The following RP1 variants were observed in gnomAD, a reference collection of about 807,000 sequenced individuals.
RP1 encodes oxygen-regulated protein 1.
In RP1, 16 loss-of-function variants were observed where a neutral mutation model predicts 14.8. That is an observed-to-expected ratio of 1.08 (90% CI 0.73 to 1.65). The LOEUF is 1.65. Among genes scored for constraint, RP1 ranks in the 40% most tolerant of loss-of-function variants. The probability of loss-of-function intolerance (pLI) is 0.00; values close to 1 mark genes in which losing one functional copy is unlikely to be tolerated. For synonymous variants in RP1, 876 were observed against 883.6 expected, an observed-to-expected ratio of 0.99 and a Z score of 0.15; for missense variants, 2,631 against 2,535.0, an observed-to-expected ratio of 1.04 and a Z score of -0.81.
chr8:54,830,277 T>C (rs1042381060), intron 24 of RP1, among the ~76,000 whole-genome samples: 3 of 151,774 alleles, frequency 2.0e-5, no homozygotes, highest in Admixed American at 2.0e-4. Context: ...AAAATGACCT[T>C]CTGTATTTCT....
chr8:54,564,496 C>T lies in RP1; in HGVS notation c.-13+5176C>T, dbSNP rs530709396. Among the ~76,000 whole-genome samples, 5 of 152,214 alleles carry T rather than the reference C, an allele frequency of 3.3e-5. No individual in the cohort carries two copies. The South Asian group carries it at 6.2e-4, about 19-fold the overall frequency. On this transcript the variant is annotated intron_variant, in intron 1 of 22. Coordinates refer to the RP1 transcript ENST00000636932. ...CAATAAAAGGTGTTCAGTAAGTGTTCGCTGTTGACACTGTCTCATGGCACC... is the reference window on the plus strand; with the variant it reads ...CAATAAAAGGTGTTCAGTAAGTGTTTGCTGTTGACACTGTCTCATGGCACC...
intron 24 of RP1, among the ~76,000 whole-genome samples, chr8:54,836,187 C>A (rs1437512673): frequency 6.6e-6 from 1 of 152,048 alleles, no homozygotes; most frequent in Non-Finnish European, 1.5e-5. Flanking sequence ...GATGATGAGA[C>A]CATTTATGGT....
At chr8:54,828,400 C>T (rs1229817345) in intron 24 of RP1, among the ~76,000 whole-genome samples, 2 of 152,138 alleles carry the variant, frequency 1.3e-5, no homozygotes, top group South Asian at 4.1e-4. Context: ...TGAGTTCCTG[C>T]TCTTAATTCT....
chr8:54,804,342 A>G (rs1294130174), intron 24 of RP1, among the ~76,000 whole-genome samples: 2 of 152,190 alleles, frequency 1.3e-5, no homozygotes, highest in Non-Finnish European at 2.9e-5. Context: ...ACACAGCCAG[A>G]CACTATTCCA....
At chr8:54,760,267 T>C (rs547018592) in intron 22 of RP1, among the ~76,000 whole-genome samples, 18 of 152,312 alleles carry the variant, frequency 1.2e-4, no homozygotes, top group Admixed American at 5.9e-4. Context: ...TCTGCCCTGA[T>C]TGATGCCCTT....
chr8:54,588,590 G>T (rs951640280), intron 1 of RP1, among the ~76,000 whole-genome samples: 3 of 152,202 alleles, frequency 2.0e-5, no homozygotes, highest in Admixed American at 6.5e-5. Context: ...GAGCTCTGAA[G>T]TTCTATAATC....
intron 23 of RP1, among the ~76,000 whole-genome samples, chr8:54,775,647 C>G (rs965004424): frequency 2.6e-4 from 40 of 152,260 alleles, no homozygotes; most frequent in African/African-American, 9.4e-4. Flanking sequence ...TAATCCTTCC[C>G]TGCTAAGCCT....
chr8:54,812,741 T>C (rs1811031944), intron 24 of RP1, among the ~76,000 whole-genome samples: 1 of 151,422 alleles, frequency 6.6e-6, no homozygotes, highest in Non-Finnish European at 1.5e-5. Flanking sequence ...TATGTATCTA[T>C]GTATCCATGT....
At chr8:54,864,348 C>T (rs1029882374) in intron 27 of RP1, among the ~76,000 whole-genome samples, 3 of 152,244 alleles carry the variant, frequency 2.0e-5, no homozygotes, top group African/African-American at 7.2e-5. Flanking sequence ...GCAAAAGATG[C>T]TTCCTCTGTA....
At position 54,624,939 on chromosome 8, in the gene RP1, G is replaced by T; in HGVS notation, c.1057G>T (p.Val353Phe). 1 of 1,614,130 alleles carries T rather than the reference G, an allele frequency of 6.2e-7. No homozygotes were observed. The highest frequency in any genetic ancestry group is 8.5e-7 in the Non-Finnish European group (1 of 1,180,016). The part of the protein sequence containing the change: ...EEETIKWTTT[V>F]SKTGPSNNDE... ...AGAAACCATAAAATGGACAACTACT[G>T]TCAGTAAAACTGGTCCTTCTAATAA... Residue 353 changes from valine to phenylalanine, a missense_variant, in exon 4 of 4, where the codon GTC (valine) becomes TTC (phenylalanine). Transcript: ENST00000220676.
intron 1 of RP1, among the ~76,000 whole-genome samples, chr8:54,572,835 T>G (rs1406041389): frequency 3.3e-5 from 5 of 152,120 alleles, no homozygotes; most frequent in Admixed American, 6.5e-5. Context: ...GCTGGTGGTG[T>G]TAGAATTTGC....
At chr8:54,759,134 G>A (rs1043144485) in intron 22 of RP1, 2 of 420,994 alleles carry the variant, frequency 4.8e-6, no homozygotes, top group Non-Finnish European at 6.1e-6. Context: ...ATGATGCTGT[G>A]TGTGTGTGTG....
At chr8:54,830,698 A>G (rs1037871998) in intron 24 of RP1, among the ~76,000 whole-genome samples, 1 of 152,170 alleles carries the variant, frequency 6.6e-6, no homozygotes, top group Non-Finnish European at 1.5e-5. Context: ...TAAAAAATTG[A>G]GTTGAAATTC....
Position 54,667,087 on chromosome 8 carries a change from G to C in RP1, c.1323+3237G>C, listed in dbSNP as rs577728999. ...CAGGAACGGGAACTCCTTACATATA[G>C]AGAAGGTGCAGACATGCCACCTTTT... On this transcript the variant is annotated intron_variant, in intron 7 of 22. Transcript: ENST00000636932. Among the ~76,000 whole-genome samples, 4 of 152,152 alleles carry C rather than the reference G, an allele frequency of 2.6e-5. No homozygotes were observed. In the East Asian group the frequency reaches 7.8e-4, roughly 29 times the overall value.
intron 1 of RP1, among the ~76,000 whole-genome samples, chr8:54,562,440 C>A (rs1212130974): frequency 6.6e-6 from 1 of 152,124 alleles, no homozygotes; most frequent in Non-Finnish European, 1.5e-5. Context: ...GTAATCCCAG[C>A]ACTTTGGGGA....
At chr8:54,720,030 CG>C in intron 15 of RP1, 1 of 997,228 alleles carries the variant, frequency 1.0e-6, no homozygotes, top group East Asian at 2.7e-5. Context: ...CATAGTGATT[CG>C]AAACGAGACA....
At chr8:54,615,998 G>C (rs1033977355), upstream of RP1, 3 of 152,184 alleles carry the variant, frequency 2.0e-5, no homozygotes, top group African/African-American at 7.2e-5. Context: ...TGTCTCCTTA[G>C]GGTGAGCTCT....
chr8:54,651,640 C>T lies in RP1; in HGVS notation c.952-1140C>T, dbSNP rs3906756. ...ACTTTTATTTTTGATTTTAGCAATT[C>T]TCTTTGCTAACATCTAGATAGGCTA... On this transcript the variant is annotated intron_variant, in intron 4 of 22. Coordinates refer to the RP1 transcript ENST00000636932. Among the ~76,000 whole-genome samples, 1,326 of 152,138 alleles carry T rather than the reference C, an allele frequency of 8.7e-3. 10 individuals carry two copies. The highest frequency in any genetic ancestry group is 0.014 in the Non-Finnish European group (981 of 67,980).
intron 24 of RP1, among the ~76,000 whole-genome samples, chr8:54,800,348 G>A (rs1225959882): frequency 1.3e-5 from 2 of 151,764 alleles, no homozygotes; most frequent in Non-Finnish European, 2.9e-5. Flanking sequence ...GTGTGTGTGT[G>A]TATTAGTATT....
Sources: gnomAD v4.1 joint callset for allele counts (sites outside exome capture counted in the v4.1 genomes callset) on GRCh38, gnomAD v4.1.1 for gene constraint, MANE v1.5 for transcripts, NCBI Gene and HGNC (gene_info 2026-07-23, HGNC 2026-07-21) for gene names.